PDE4D: variants seen among roughly 807,000 people sequenced by gnomAD.
The protein encoded by PDE4D is 3',5'-cyclic-AMP phosphodiesterase 4D.
A neutral mutation model predicts 87.4 loss-of-function variants in PDE4D; 24 were observed. The ratio of observed to expected loss-of-function variants is 0.27; its 90% confidence interval spans 0.20 to 0.39. The LOEUF is 0.39. PDE4D is among the 10% of genes least tolerant of loss of function. PDE4D has a pLI of 1.00. For synonymous variants in PDE4D, 384 were observed against 383.2 expected, an observed-to-expected ratio of 1.00 and a Z score of -0.02; for missense variants, 714 against 1,041.0, an observed-to-expected ratio of 0.69 and a Z score of 4.32.
At chr5:60,510,880 C>T (rs1750539755) in intron 1 of PDE4D, among the ~76,000 whole-genome samples, 1 of 152,192 alleles carries the variant, frequency 6.6e-6, no homozygotes, top group South Asian at 2.1e-4. Context: ...TGGGGAGAGG[C>T]AGACACCTGT....
chr5:60,379,835 A>G (rs1458729704), intron 1 of PDE4D, among the ~76,000 whole-genome samples: 1 of 152,134 alleles, frequency 6.6e-6, no homozygotes, highest in African/African-American at 2.4e-5. Context: ...CCTTGGCCTG[A>G]CGTCTCACTG....
At chr5:59,476,955 A>G (rs1272341648) in intron 1 of PDE4D, among the ~76,000 whole-genome samples, 1 of 152,080 alleles carries the variant, frequency 6.6e-6, no homozygotes, top group Non-Finnish European at 1.5e-5. Flanking sequence ...AAGTTTCAAT[A>G]ATTTATAAGA....
intron 1 of PDE4D, among the ~76,000 whole-genome samples, chr5:60,475,556 T>C (rs906174226): frequency 1.3e-5 from 2 of 152,128 alleles, no homozygotes; most frequent in African/African-American, 4.8e-5. Flanking sequence ...CATTCTATAA[T>C]AAGGAAAACA....
In PDE4D at chr5:59,243,533, C is replaced by G. The variant is rs563731020; in HGVS notation, c.456-27565G>C. 5.6e-5 allele frequency among the ~76,000 whole-genome samples: 7 copies of G among 125,686 alleles called. No individual in the cohort carries two copies. The South Asian group carries it at 1.9e-3, about 34-fold the overall frequency. The allele number at this position is 125,686 out of a possible 152,430, so 82.5% of individuals were successfully genotyped here. On this transcript the variant is annotated intron_variant, in intron 1 of 14. Coordinates refer to ENST00000340635, the MANE Select transcript of PDE4D (RefSeq NM_001104631.2). ...GGAGTGCAGTGGAGTGATCTTGGCT[C>G]ACTGCAACCTCTGCTTCCCAGGTTC...
intron 1 of PDE4D, among the ~76,000 whole-genome samples, chr5:60,305,987 T>C (rs924062539): frequency 6.6e-6 from 1 of 152,118 alleles, no homozygotes; most frequent in Non-Finnish European, 1.5e-5. Flanking sequence ...GTCTAACAGT[T>C]ACATTTAAAA....
chr5:59,953,967 C>T (rs1758564132), intron 3 of PDE4D, among the ~76,000 whole-genome samples: 1 of 152,046 alleles, frequency 6.6e-6, no homozygotes, highest in South Asian at 2.1e-4. Context: ...CTCTTGTTGC[C>T]CAGGCTGGAG....
chr5:60,098,269 T>C (rs1314022421), intron 2 of PDE4D, among the ~76,000 whole-genome samples: 1 of 151,998 alleles, frequency 6.6e-6, no homozygotes, highest in Non-Finnish European at 1.5e-5. Context: ...TAATTTATTA[T>C]ATATTTCAAA....
intron 1 of PDE4D, among the ~76,000 whole-genome samples, chr5:59,620,961 A>G (rs996847626): frequency 3.3e-5 from 5 of 152,068 alleles, no homozygotes; most frequent in African/African-American, 9.7e-5. Context: ...GTATTGTCAG[A>G]CTTCTTTCTT....
intron 2 of PDE4D, among the ~76,000 whole-genome samples, chr5:60,126,403 A>C (rs1779126825): frequency 6.6e-6 from 1 of 152,162 alleles, no homozygotes; most frequent in Non-Finnish European, 1.5e-5. Flanking sequence ...ATTACATAGA[A>C]ATTTTATTAC....
chr5:59,996,964 A>T (rs1763577203), intron 2 of PDE4D, among the ~76,000 whole-genome samples: 1 of 152,140 alleles, frequency 6.6e-6, no homozygotes. Context: ...TCTAAAGCCA[A>T]TTTCCTATAA....
In PDE4D at chr5:59,156,331, A is replaced by ATATATATATGTGTG. The variant is rs1384479557; in HGVS notation, c.808+24263_808+24264insCACACATATATATA. Among the ~76,000 whole-genome samples the ATATATATATGTGTG allele has an allele frequency of 8.8e-4, 108 of 122,742 alleles. 1 individual carries two copies. Among genetic ancestry groups the ATATATATATGTGTG allele is most frequent in the African/African-American group, 3.5e-3 (103 of 29,638 alleles). The allele number at this position is 122,742 out of a possible 152,430, so 80.5% of individuals were successfully genotyped here. On this transcript the variant is annotated intron_variant, in intron 5 of 14. Transcript: ENST00000340635. ...CCAGAAAAAAAAAAAATATATATAT[A>ATATATATATGTGTG]TGTGTGTGTGTGTGTGTGTGTGTGT...
intron 2 of PDE4D, among the ~76,000 whole-genome samples, chr5:60,043,476 C>A (rs1182855672): frequency 6.6e-6 from 1 of 152,008 alleles, no homozygotes; most frequent in Admixed American, 6.6e-5. Context: ...AGAAGAGCAA[C>A]CCCAAGACAC....
chr5:60,347,882 C>T (rs919863487), intron 1 of PDE4D, among the ~76,000 whole-genome samples: 1 of 152,148 alleles, frequency 6.6e-6, no homozygotes, highest in Non-Finnish European at 1.5e-5. Context: ...CTCAGGATTA[C>T]ACAAAACCTC....
intron 1 of PDE4D, among the ~76,000 whole-genome samples, chr5:59,577,288 A>T (rs1412505578): frequency 6.6e-6 from 1 of 152,102 alleles, no homozygotes; most frequent in Admixed American, 6.6e-5. Flanking sequence ...ATTTAAAGTT[A>T]GGTTTTGTGG....
intron 5 of PDE4D, among the ~76,000 whole-genome samples, chr5:59,047,219 C>T (rs1038973662): frequency 3.9e-5 from 6 of 152,084 alleles, no homozygotes; most frequent in African/African-American, 9.7e-5. Flanking sequence ...GGTATAACCT[C>T]GGGGTCCAGA....
chr5:59,687,618 C>G (rs1252776508), intron 1 of PDE4D, among the ~76,000 whole-genome samples: 1 of 152,116 alleles, frequency 6.6e-6, no homozygotes, highest in Non-Finnish European at 1.5e-5. Context: ...AAAAACATGC[C>G]AAATTGTAAA....
chr5:60,324,003 T>TC (rs1372780869), intron 1 of PDE4D, among the ~76,000 whole-genome samples: 5 of 152,152 alleles, frequency 3.3e-5, no homozygotes, highest in Non-Finnish European at 5.9e-5. Flanking sequence ...ACGGTGCTTG[T>TC]CAGCTCCAAT....
intron 1 of PDE4D, among the ~76,000 whole-genome samples, chr5:59,604,965 C>T (rs1041526801): frequency 6.6e-6 from 1 of 152,014 alleles, no homozygotes; most frequent in African/African-American, 2.4e-5. Context: ...CACATACACA[C>T]ATTCATTTTG....
chr5:59,747,522 G>A (rs1245619443), intron 1 of PDE4D, among the ~76,000 whole-genome samples: 1 of 152,078 alleles, frequency 6.6e-6, no homozygotes, highest in Non-Finnish European at 1.5e-5. Flanking sequence ...TGCCGTCTGG[G>A]AATTTCACAT....
Sources: gnomAD v4.1 joint callset for allele counts (sites outside exome capture counted in the v4.1 genomes callset) on GRCh38, gnomAD v4.1.1 for gene constraint, MANE v1.5 for transcripts, NCBI Gene and HGNC (gene_info 2026-07-23, HGNC 2026-07-21) for gene names.